The following GFM1 variants were observed in gnomAD, a reference collection of about 807,000 sequenced individuals.
The protein encoded by GFM1 is elongation factor G, mitochondrial.
In GFM1, 62 loss-of-function variants were observed where a neutral mutation model predicts 96.2. The observed-to-expected ratio is 0.64, with a 90% confidence interval of 0.53 to 0.80. The LOEUF (loss-of-function observed/expected upper bound fraction) is 0.80. Among genes scored for constraint, GFM1 ranks in the 30% least tolerant of loss-of-function variants. The pLI is 0.00. For synonymous variants in GFM1, 282 were observed against 312.9 expected, an observed-to-expected ratio of 0.90 and a Z score of 1.04; for missense variants, 852 against 916.6, an observed-to-expected ratio of 0.93 and a Z score of 0.91.
intron 13 of GFM1, chr3:158,672,789 G>A: frequency 3.3e-6 from 1 of 300,724 alleles, no homozygotes; most frequent in Non-Finnish European, 6.6e-6. Flanking sequence ...GGCACCAGCA[G>A]GTGGAGGTGT....
At position 158,690,285 on chromosome 3, in the gene GFM1, C is replaced by G; in HGVS notation, c.2032C>G (p.Gln678Glu). The change falls in exon 16 of 18, where the codon CAA becomes GAA. Residue 678 changes from glutamine to glutamate, a missense_variant. Physicochemically the swap from Gln to Glu is conservative, Grantham distance 29. Coordinates refer to ENST00000486715, the MANE Select transcript of GFM1 (RefSeq NM_024996.7). ...CCGACGCCATGGGGTAATCACTGGG[C>G]AAGATGGAGTTGAGGACTATTTTAC... Reference protein sequence around the residue: ...INRRHGVITGQDGVEDYFTLY... With the variant: ...INRRHGVITGEDGVEDYFTLY... 6.2e-7 allele frequency: 1 copy of G among 1,613,826 alleles called. No homozygotes were observed. The highest frequency in any genetic ancestry group is 8.5e-7 in the Non-Finnish European group (1 of 1,179,828).
chr3:158,677,760 C>G (rs564214296), intron 13 of GFM1, among the ~76,000 whole-genome samples: 1 of 152,304 alleles, frequency 6.6e-6, no homozygotes, highest in East Asian at 1.9e-4. Context: ...CCTCGGCCTC[C>G]CAAAGTGCTG....
intron 9 of GFM1, chr3:158,660,423 T>C (rs1723111050): frequency 6.2e-6 from 1 of 161,406 alleles, no homozygotes; most frequent in Non-Finnish European, 1.4e-5. Context: ...ATTTTTTGTA[T>C]TTTCAGTAGA....
chr3:158,665,409 G>GAGAACAAAGTAT lies in GFM1; in HGVS notation c.1454_1455insGAACAAAGTATA (p.Asp485delinsGluAsnLysValTyr). On this transcript the variant is annotated protein_altering_variant, in exon 12 of 18. Transcript: ENST00000486715. ...AGATCCCACATTTAAAGTATACTTT[G>GAGAACAAAGTAT]ACACTGAGAACAAAGAGACAGTTAT... 1 of 1,609,292 alleles carries GAGAACAAAGTAT rather than the reference G, an allele frequency of 6.2e-7. No homozygotes were observed. The highest frequency in any genetic ancestry group is 8.5e-7 in the Non-Finnish European group (1 of 1,176,180).
chr3:158,661,484 T>C (rs952182735), intron 10 of GFM1, among the ~76,000 whole-genome samples: 2 of 152,174 alleles, frequency 1.3e-5, no homozygotes, highest in African/African-American at 4.8e-5. Context: ...CAGAAGGCAA[T>C]AGGCAATATG....
At chr3:158,661,511 C>G (rs1483848320) in intron 10 of GFM1, among the ~76,000 whole-genome samples, 1 of 152,166 alleles carries the variant, frequency 6.6e-6, no homozygotes. Context: ...CAGAGTCTGA[C>G]TTATATAAAT....
rs1339033663 is a variant in GFM1 at position 158,646,290 on chromosome 3, T to C, written c.360T>C (p.Asp120=). Residue 120 remains aspartate, a synonymous_variant, in exon 3 of 18, where the codon GAT becomes GAC. Coordinates refer to ENST00000486715, the MANE Select transcript of GFM1 (RefSeq NM_024996.7). ...AAGATGTCAATATTAACATTATAGATACTCCTGGTGAGTTGGATTCTTGGT... is the reference window on the plus strand; with the variant it reads ...AAGATGTCAATATTAACATTATAGACACTCCTGGTGAGTTGGATTCTTGGT... The part of the protein sequence containing the change: ...MWKDVNINII[D]TPGHVDFTIE... 1.9e-6 allele frequency: 3 copies of C among 1,614,172 alleles called. No individual in the cohort carries two copies. The highest frequency in any genetic ancestry group is 2.5e-6 in the Non-Finnish European group (3 of 1,179,990).
chr3:158,684,264 C>G (rs1186677778), intron 14 of GFM1, among the ~76,000 whole-genome samples: 1 of 151,826 alleles, frequency 6.6e-6, no homozygotes, highest in Non-Finnish European at 1.5e-5. Context: ...GGCTTAATAC[C>G]TGAGAGATGA....
chr3:158,675,170 C>G lies in GFM1; in HGVS notation c.1602-6825C>G, dbSNP rs189979472. On this transcript the variant is annotated intron_variant, in intron 13 of 17. Transcript: ENST00000486715. The stretch of plus-strand genomic sequence containing the variant: ...GGCGTGGCGGCGGGCGCCTGTAATC[C>G]CAGCTACTCGGGAGGCTGAGGCAGG... Among the ~76,000 whole-genome samples the G allele has an allele frequency of 5.2e-3, 774 of 147,944 alleles. 6 individuals are homozygous for G. Among genetic ancestry groups the G allele is most frequent in the Non-Finnish European group, 8.8e-3 (598 of 67,836 alleles).
At chr3:158,682,483 T>C (rs1372169976) in intron 14 of GFM1, 1 of 269,488 alleles carries the variant, frequency 3.7e-6, no homozygotes, top group Non-Finnish European at 7.3e-6. Flanking sequence ...TGTGTACTAT[T>C]GCAGCAGAAT....
rs147847472 is a variant in GFM1 at position 158,690,201 on chromosome 3, A to G, written c.1948A>G (p.Met650Val). 181 of 1,613,040 alleles carry G rather than the reference A, an allele frequency of 1.1e-4. No homozygotes were observed. The highest frequency in any genetic ancestry group is 6.6e-4 in the Middle Eastern group (4 of 6,056). The change falls in exon 16 of 18, where the codon ATG becomes GTG. Residue 650 changes from methionine (M) to valine (V), a missense_variant. Physicochemically the swap from Met to Val is conservative, Grantham distance 21. Coordinates refer to ENST00000486715, the MANE Select transcript of GFM1 (RefSeq NM_024996.7). ...NATLCILEPIMAVEVVAPNEF... is the reference protein window; with the variant it reads ...NATLCILEPIVAVEVVAPNEF... ...AACATTATGTATTCTTGAACCTATT[A>G]TGGCTGTGGAAGTTGTAGCTCCAAA...
chr3:158,676,008 C>G (rs1432021101), intron 13 of GFM1, among the ~76,000 whole-genome samples: 1 of 152,204 alleles, frequency 6.6e-6, no homozygotes, highest in Admixed American at 6.5e-5. Context: ...TGCAGTGGCT[C>G]ACACCTGTAA....
In GFM1 at chr3:158,672,761, A is replaced by T. The variant is rs189199889; in HGVS notation, c.1601+6375A>T. On this transcript the variant is annotated intron_variant, in intron 13 of 17. Transcript: ENST00000486715. ...CGCCTGCTGGTTCCTACTGGAGGAG[A>T]GGCCAGCATGCTTGTCAGGCACCAG... 2.9e-3 allele frequency: 987 copies of T among 337,262 alleles called. 16 individuals are homozygous for T. The highest frequency in any genetic ancestry group is 0.019 in the African/African-American group (922 of 47,818). The allele number at this position is 337,262 out of a possible 1,614,324, so 20.9% of individuals were successfully genotyped here. A position where few individuals can be genotyped will look rare whatever the true frequency, so the allele number is the denominator to read the frequency against.
chr3:158,651,486 A>G (rs955054017), intron 5 of GFM1, among the ~76,000 whole-genome samples: 2 of 151,834 alleles, frequency 1.3e-5, no homozygotes, highest in African/African-American at 4.9e-5. Context: ...AATAGAAGCT[A>G]CTTCATATGT....
At chr3:158,649,228 C>T (rs1560128774) in intron 5 of GFM1, 71 bp downstream of exon 5, 3 of 730,872 alleles carry the variant, frequency 4.1e-6, no homozygotes, top group Non-Finnish European at 5.0e-6. Context: ...AGGATAAGTT[C>T]ATCAAACGCA....
intron 16 of GFM1, chr3:158,690,631 A>AT (rs1317602734): frequency 2.8e-6 from 1 of 360,448 alleles, no homozygotes; most frequent in African/African-American, 2.1e-5. Flanking sequence ...TATCTCTCTC[A>AT]TTTTAGCTTT....
At chr3:158,646,439 G>A (rs1721809890) in intron 3 of GFM1, 142 bp downstream of exon 3, 3 of 914,190 alleles carry the variant, frequency 3.3e-6, no homozygotes, top group Non-Finnish European at 5.1e-6. Context: ...ACTAACTTAG[G>A]ACCTAGAGCA....
At position 158,660,915 on chromosome 3, in the gene GFM1, T is replaced by C. The variant is rs138844033; in HGVS notation, c.1263T>C (p.Phe421=). 2.2e-5 allele frequency: 35 copies of C among 1,614,164 alleles called. No homozygotes were observed. Among genetic ancestry groups the C allele is most frequent in the Non-Finnish European group, 3.0e-5 (35 of 1,179,998 alleles). Residue 421 remains phenylalanine (F), a synonymous_variant, in exon 10 of 18, where the codon TTT becomes TTC. Transcript: ENST00000486715. ...EVYAGDICAL[F]GIDCASGDTF... Reference sequence around the variant, plus strand: ...ATGCCGGAGACATCTGTGCATTGTTTGGCATTGACTGTGCTAGTGGAGACA... The same window carrying C: ...ATGCCGGAGACATCTGTGCATTGTTCGGCATTGACTGTGCTAGTGGAGACA...
In GFM1 at chr3:158,672,450, G is replaced by A. The variant is rs145151855; in HGVS notation, c.1601+6064G>A. ...CTGTGCCACCAAGGCCGCCCTGGAG[G>A]CTGGGTAGTTGGTCGGCGGGATTTC... On this transcript the variant is annotated intron_variant, in intron 13 of 17. Transcript: ENST00000486715. 2.5e-6 allele frequency: 4 copies of A among 1,614,092 alleles called. 1 individual carries two copies. The highest frequency in any genetic ancestry group is 3.4e-6 in the Non-Finnish European group (4 of 1,179,956).
Sources: gnomAD v4.1 joint callset for allele counts (sites outside exome capture counted in the v4.1 genomes callset) on GRCh38, gnomAD v4.1.1 for gene constraint, MANE v1.5 for transcripts, NCBI Gene and HGNC (gene_info 2026-07-23, HGNC 2026-07-21) for gene names.